IHO1: variants seen among roughly 807,000 people sequenced by gnomAD.
IHO1 encodes interactor of HORMAD1 1, also known as interactor of HORMAD1 protein 1.
Under a neutral mutation model 31.0 loss-of-function variants are expected in IHO1, and 13 were observed. That is an observed-to-expected ratio of 0.42 (90% CI 0.27 to 0.67). IHO1 has a LOEUF of 0.67. IHO1 is among the 30% of genes least tolerant of loss of function. The probability of loss-of-function intolerance (pLI) is 0.24; values close to 1 mark genes in which losing one functional copy is unlikely to be tolerated. For synonymous variants in IHO1, 221 were observed against 248.4 expected, an observed-to-expected ratio of 0.89 and a Z score of 1.04; for missense variants, 599 against 687.5, an observed-to-expected ratio of 0.87 and a Z score of 1.44.
chr3:49,196,228 C>CAAA (rs1210658279), upstream of IHO1, among the ~76,000 whole-genome samples: 1 of 43,648 alleles, frequency 2.3e-5, no homozygotes, highest in South Asian at 8.4e-4. Flanking sequence ...GACTCCGTCA[C>CAAA]AAAAAAAAAA....
At chr3:49,204,282 A>T (rs1348150869) in intron 1 of IHO1, among the ~76,000 whole-genome samples, 1 of 152,200 alleles carries the variant, frequency 6.6e-6, no homozygotes, top group East Asian at 1.9e-4. Context: ...GCATTCAGCT[A>T]CGTGGGTTCA....
At chr3:49,228,318 A>G (rs758916120) in intron 2 of IHO1, 5 of 449,312 alleles carry the variant, frequency 1.1e-5, no homozygotes, top group Middle Eastern at 6.9e-4. Flanking sequence ...AGGCAAACCA[A>G]TGCTCTCCAC....
intron 1 of IHO1, 112 bp from the exon 2 acceptor site, chr3:49,211,654 G>A (rs1575566984): frequency 2.5e-6 from 1 of 407,988 alleles, no homozygotes. Context: ...TTCACTAATT[G>A]GATGGGAATA....
At chr3:49,214,633 T>TATATATATATATATATATA (rs71278651) in intron 2 of IHO1, among the ~76,000 whole-genome samples, 2 of 25,578 alleles carry the variant, frequency 7.8e-5, no homozygotes, top group African/African-American at 1.7e-4. Flanking sequence ...TATATATATA[T>TATATATATATATATATATA]TTTTTTTTTT....
At chr3:49,210,947 C>T (rs1194939999) in intron 1 of IHO1, among the ~76,000 whole-genome samples, 6 of 151,002 alleles carry the variant, frequency 4.0e-5, no homozygotes, top group African/African-American at 9.7e-5. Flanking sequence ...CCACCCGCCT[C>T]GGTCTCCCAA....
chr3:49,215,430 T>G (rs2046276529), intron 2 of IHO1, among the ~76,000 whole-genome samples: 1 of 152,220 alleles, frequency 6.6e-6, no homozygotes, highest in South Asian at 2.1e-4. Flanking sequence ...TAGCTAATTA[T>G]TCTCTTTGGC....
At chr3:49,200,852 G>C (rs551375546) in intron 1 of IHO1, among the ~76,000 whole-genome samples, 45 of 152,248 alleles carry the variant, frequency 3.0e-4, no homozygotes, top group Admixed American at 2.4e-3. Context: ...AGAGAGATGG[G>C]ATTTCCATCC....
chr3:49,211,118 C>T (rs756609083), intron 1 of IHO1, among the ~76,000 whole-genome samples: 59 of 151,774 alleles, frequency 3.9e-4, no homozygotes, highest in Admixed American at 2.3e-3. Flanking sequence ...TGCCATTCTC[C>T]TGCCCCGGCC....
chr3:49,228,197 C>T, intron 2 of IHO1: 1 of 333,908 alleles, frequency 3.0e-6, no homozygotes, highest in South Asian at 2.4e-5. Flanking sequence ...GAGTTCTACT[C>T]ACAGCCGCAG....
At chr3:49,212,217 G>C (rs985794396) in intron 2 of IHO1, among the ~76,000 whole-genome samples, 1 of 149,402 alleles carries the variant, frequency 6.7e-6, no homozygotes, top group Admixed American at 6.7e-5. Flanking sequence ...CATAGAAAAT[G>C]GGTTCCTGGT....
intron 4 of IHO1, among the ~76,000 whole-genome samples, chr3:49,242,882 A>C (rs1298748270): frequency 6.6e-6 from 1 of 152,218 alleles, no homozygotes; most frequent in Non-Finnish European, 1.5e-5. Flanking sequence ...TTACATTCAA[A>C]AACTTTTTTG....
intron 4 of IHO1, among the ~76,000 whole-genome samples, chr3:49,243,097 C>A (rs1284554346): frequency 6.6e-6 from 1 of 151,954 alleles, no homozygotes; most frequent in African/African-American, 2.4e-5. Flanking sequence ...ATCTTCTGTT[C>A]ATGTCCATGA....
At position 49,241,308 on chromosome 3, in the gene IHO1, C is replaced by T. The variant is rs868795663; in HGVS notation, c.314C>T (p.Pro105Leu). 3.9e-5 allele frequency: 63 copies of T among 1,613,550 alleles called. No homozygotes were observed. Among genetic ancestry groups the T allele is most frequent in the Non-Finnish European group, 5.1e-5 (60 of 1,179,790 alleles). The change falls in exon 4 of 8, where the codon CCT (proline) becomes CTT (leucine). Residue 105 changes from proline to leucine, a missense_variant. Physicochemically the swap from Pro to Leu is moderately conservative, Grantham distance 98 (BLOSUM62 -3). Transcript: ENST00000452691. The part of the protein sequence containing the change: ...GDIKDGGLFP[P>L]PLSVGKSKGL... The stretch of plus-strand genomic sequence containing the variant: ...ATAAAAGATGGAGGTTTATTTCCTC[C>T]TCCTTTGTCAGTTGGAAAATCAAAA...
intron 2 of IHO1, among the ~76,000 whole-genome samples, chr3:49,225,975 CCTTT>C (rs1355447173): frequency 6.6e-6 from 1 of 152,068 alleles, no homozygotes; most frequent in African/African-American, 2.4e-5. Context: ...GCCCAGAGGA[CCTTT>C]GTCCTCTGGG....
At chr3:49,222,300 CAG>C (rs527483102) in intron 2 of IHO1, among the ~76,000 whole-genome samples, 8 of 152,160 alleles carry the variant, frequency 5.3e-5, no homozygotes, top group Non-Finnish European at 8.8e-5. Flanking sequence ...ACTGGTTTAA[CAG>C]AGAGTGGGTT....
chr3:49,211,553 G>A (rs1381029101), intron 1 of IHO1, among the ~76,000 whole-genome samples: 2 of 151,234 alleles, frequency 1.3e-5, no homozygotes, highest in Non-Finnish European at 2.9e-5. Flanking sequence ...AACCTAGGAG[G>A]CAAAGGTTGC....
chr3:49,248,704 G>C (rs749522398), intron 6 of IHO1, among the ~76,000 whole-genome samples: 14 of 152,128 alleles, frequency 9.2e-5, no homozygotes, highest in Non-Finnish European at 1.8e-4. Context: ...TCCAGCCTGG[G>C]CAACAAGAGC....
At chr3:49,227,663 A>AGAG (rs1294646531) in intron 2 of IHO1, among the ~76,000 whole-genome samples, 5 of 152,148 alleles carry the variant, frequency 3.3e-5, no homozygotes, top group Non-Finnish European at 7.3e-5. Context: ...AAAACCTGTT[A>AGAG]GAGTCCTAAG....
intron 1 of IHO1, among the ~76,000 whole-genome samples, chr3:49,203,227 T>C (rs554526579): frequency 2.0e-5 from 3 of 152,232 alleles, no homozygotes; most frequent in South Asian, 2.1e-4. Context: ...CATGCTGATA[T>C]CTGAGGGAGG....
Sources: allele counts gnomAD v4.1 joint callset (sites outside exome capture counted in the v4.1 genomes callset), GRCh38; gene constraint gnomAD v4.1.1; transcripts MANE v1.5; gene names NCBI Gene and HGNC (gene_info 2026-07-23, HGNC 2026-07-21).